L3MBTL1: variants seen among roughly 807,000 people sequenced by gnomAD.
The protein encoded by L3MBTL1 is lethal(3)malignant brain tumor-like protein 1.
In L3MBTL1, 75 loss-of-function variants were observed where a neutral mutation model predicts 105.3. The observed-to-expected ratio is 0.71, with a 90% CI of 0.59 to 0.86. The LOEUF is 0.86. L3MBTL1 is among the 40% of genes least tolerant of loss of function. The probability of loss-of-function intolerance (pLI) is 0.00; values close to 1 mark genes in which losing one functional copy is unlikely to be tolerated. For synonymous variants in L3MBTL1, 452 were observed against 436.2 expected, an observed-to-expected ratio of 1.04 and a Z score of -0.45; for missense variants, 1,069 against 1,126.4, an observed-to-expected ratio of 0.95 and a Z score of 0.73.
chr20:43,530,232 G>C, intron 9 of L3MBTL1, 52 bp from the exon 10 acceptor site: 1 of 1,611,410 alleles, frequency 6.2e-7, no homozygotes, highest in East Asian at 2.2e-5. Context: ...AGGCAGATGG[G>C]GAGTGGGGCA....
At chr20:43,530,674 G>A (rs1332528080) in intron 10 of L3MBTL1, 124 bp from the exon 11 acceptor site, 14 of 930,620 alleles carry the variant, frequency 1.5e-5, no homozygotes, top group Non-Finnish European at 2.2e-5. Flanking sequence ...GAATCCCTGG[G>A]CAAGTTCTTG....
At chr20:43,514,378 G>A in intron 3 of L3MBTL1, 2 of 1,385,356 alleles carry the variant, frequency 1.4e-6, no homozygotes, top group Non-Finnish European at 1.9e-6. Context: ...GGGGTACCGT[G>A]GGACTGGGCC....
At chr20:43,512,624 T>C (rs1016698711) in intron 1 of L3MBTL1, among the ~76,000 whole-genome samples, 2 of 152,234 alleles carry the variant, frequency 1.3e-5, no homozygotes, top group South Asian at 2.1e-4. Context: ...GGCTACGGTG[T>C]TGGACAGTTT....
chr20:43,517,073 A>G (rs558156302), intron 7 of L3MBTL1, among the ~76,000 whole-genome samples: 1 of 149,372 alleles, frequency 6.7e-6, no homozygotes, highest in Non-Finnish European at 1.5e-5. Flanking sequence ...CTGGGATTAC[A>G]GGTGTGAGGT....
intron 4 of L3MBTL1, 36 bp from the exon 5 acceptor site, chr20:43,514,973 G>A (rs949373137): frequency 6.2e-7 from 1 of 1,605,154 alleles, no homozygotes; most frequent in Non-Finnish European, 8.5e-7. Context: ...TGGCTGCGAT[G>A]GGGAGGGAGG....
chr20:43,548,080 C>T, intron 18 of L3MBTL1: 1 of 1,302,662 alleles, frequency 7.7e-7, no homozygotes, highest in Non-Finnish European at 1.0e-6. Flanking sequence ...CCACCTTCTC[C>T]ACTTTCCACC....
chr20:43,536,293 C>T lies in L3MBTL1; in HGVS notation c.2122C>T (p.Arg708Ter), dbSNP rs763451626. The T allele has an allele frequency of 3.1e-6, 5 of 1,612,598 alleles. No individual in the cohort carries two copies. Among genetic ancestry groups the T allele is most frequent in the African/African-American group, 1.3e-5 (1 of 74,888 alleles). Reference protein sequence around the residue: ...SPRKKPRHHGRIGRPPKYRKI... With the variant: ...SPRKKPRHHG ...AAGGAAGAAGCCTCGCCATCACGGCCGGTATGGAGGCCAGGGAATCAGGGC... is the reference window on the plus strand; with the variant it reads ...AAGGAAGAAGCCTCGCCATCACGGCTGGTATGGAGGCCAGGGAATCAGGGC... The change falls in exon 18 of 22, where the codon CGA (arginine) becomes TGA (stop). Residue 708 changes from arginine to a stop codon, truncating the protein, a stop_gained and splice_region_variant. Transcript: ENST00000418998. LOFTEE classifies it high-confidence loss of function.
chr20:43,514,537 G>A (rs1480809549), intron 3 of L3MBTL1, 98 bp from the exon 4 acceptor site: 3 of 1,579,888 alleles, frequency 1.9e-6, no homozygotes, highest in South Asian at 1.1e-5. Flanking sequence ...CTGAGGGCGT[G>A]AGCTGGCATG....
chr20:43,513,495 C>A lies in L3MBTL1; in HGVS notation c.-9C>A. On this transcript the variant is annotated 5_prime_UTR_variant, in exon 2 of 22. Coordinates refer to ENST00000418998, the MANE Select transcript of L3MBTL1 (RefSeq NM_001377303.1). ...TTGTAGGCCTGCCAGGATGGAGGGG[C>A]ATGCTGGGATGGAGGGGCATGCTGA... 6.5e-7 allele frequency: 1 copy of A among 1,550,028 alleles called. No homozygotes were observed. The highest frequency in any genetic ancestry group is 8.7e-7 in the Non-Finnish European group (1 of 1,146,550).
intron 15 of L3MBTL1, 109 bp downstream of exon 15, chr20:43,534,503 A>G (rs1208839065): frequency 8.3e-6 from 7 of 841,634 alleles, no homozygotes; most frequent in Non-Finnish European, 1.3e-5. Context: ...GAAGCCAAAG[A>G]TCTTGAATCT....
chr20:43,541,852 G>A lies in L3MBTL1; in HGVS notation c.*724G>A, dbSNP rs1256077426. The stretch of plus-strand genomic sequence containing the variant: ...TCCAATCACTTTACCTATACAAAAT[G>A]ACTGCTATGGTGGGAACACAATAAA... On this transcript the variant is annotated 3_prime_UTR_variant, in exon 22 of 22. Coordinates refer to ENST00000418998, the MANE Select transcript of L3MBTL1 (RefSeq NM_001377303.1). 1.0e-6 allele frequency: 1 copy of A among 985,304 alleles called. No homozygotes were observed. The highest frequency in any genetic ancestry group is 1.2e-6 in the Non-Finnish European group (1 of 829,842). 61.0% of individuals were successfully genotyped at this position (985,304 alleles called of 1,614,324 possible).
intron 7 of L3MBTL1, 26 bp downstream of exon 7, chr20:43,516,203 T>C: frequency 1.3e-6 from 2 of 1,565,172 alleles, no homozygotes; most frequent in Non-Finnish European, 1.8e-6. Context: ...TGTATATATA[T>C]TCGTGTGAGG....
At chr20:43,545,978 C>T (rs1978573547), downstream of L3MBTL1, among the ~76,000 whole-genome samples, 1 of 152,240 alleles carries the variant, frequency 6.6e-6, no homozygotes, top group African/African-American at 2.4e-5. Context: ...TCCTTTCATT[C>T]ATTCTTTCTG....
exon 19 of L3MBTL1, chr20:43,549,141 A>G (rs1438961989): frequency 6.6e-6 from 1 of 152,272 alleles, no homozygotes; most frequent in African/African-American, 2.4e-5. Context: ...TTGTTAGACA[A>G]TCTCGGGTCT....
intron 1 of L3MBTL1, among the ~76,000 whole-genome samples, chr20:43,512,865 GTACAC>G (rs1202160408): frequency 1.6e-4 from 24 of 152,184 alleles, no homozygotes; most frequent in African/African-American, 5.8e-4. Flanking sequence ...CTGCGTCTTC[GTACAC>G]TATGTCTCTG....
At position 43,514,017 on chromosome 20, in the gene L3MBTL1, G is replaced by A; in HGVS notation, c.316G>A (p.Glu106Lys). The change falls in exon 3 of 22, where the codon GAA becomes AAA. Residue 106 changes from glutamate (E) to lysine (K), a missense_variant. Physicochemically the swap from Glu to Lys is moderately conservative, Grantham distance 56. Coordinates refer to ENST00000418998, the MANE Select transcript of L3MBTL1 (RefSeq NM_001377303.1). ...SSSTSTVRLLEWTEAAAPPPG... is the reference protein window; with the variant it reads ...SSSTSTVRLLKWTEAAAPPPG... The stretch of plus-strand genomic sequence containing the variant: ...CAGCACCAGCACAGTGCGGCTTCTG[G>A]AATGGACAGAGGCCGCGGCCCCGCC... 3.9e-6 allele frequency: 6 copies of A among 1,540,168 alleles called. No homozygotes were observed. The highest frequency in any genetic ancestry group is 5.2e-6 in the Non-Finnish European group (6 of 1,146,810).
intron 19 of L3MBTL1, among the ~76,000 whole-genome samples, chr20:43,538,027 C>T (rs999455146): frequency 5.9e-5 from 9 of 152,164 alleles, no homozygotes; most frequent in African/African-American, 2.2e-4. Flanking sequence ...TAGCACAGCT[C>T]CCTGCCAGTA....
In L3MBTL1 at chr20:43,536,389, C is replaced by T. The variant is rs374370760; in HGVS notation, c.2124-20C>T. The T allele has an allele frequency of 3.7e-6, 6 of 1,613,858 alleles. No homozygotes were observed. Among genetic ancestry groups the T allele is most frequent in the African/African-American group, 1.3e-5 (1 of 74,934 alleles). Reference sequence around the variant, plus strand: ...CCAGACACTGATTCCCTGCCATGGACCTGGTCCGTCTTTCTCCAGAATTGG... The same window carrying T: ...CCAGACACTGATTCCCTGCCATGGATCTGGTCCGTCTTTCTCCAGAATTGG... On this transcript the variant is annotated intron_variant, in intron 18 of 21. Transcript: ENST00000418998.
At chr20:43,514,137 C>T in intron 3 of L3MBTL1, 76 bp downstream of exon 3, 1 of 1,281,902 alleles carries the variant, frequency 7.8e-7, no homozygotes, top group Non-Finnish European at 1.1e-6. Flanking sequence ...GGAGGCTGGA[C>T]CTGAGACGGA....
Sources: allele counts gnomAD v4.1 joint callset (sites outside exome capture counted in the v4.1 genomes callset), GRCh38; gene constraint gnomAD v4.1.1; transcripts MANE v1.5; gene names NCBI Gene and HGNC (gene_info 2026-07-23, HGNC 2026-07-21).